Variants in UNC5D observed in about 807,000 individuals in gnomAD.
UNC5D encodes the protein netrin receptor UNC5D.
Under a neutral mutation model 105.4 loss-of-function variants are expected in UNC5D, and 39 were observed. That is an observed-to-expected ratio of 0.37 (90% CI 0.29 to 0.48). The LOEUF (loss-of-function observed/expected upper bound fraction) is 0.48, where lower values mean the gene tolerates loss of function less well. Ranked by LOEUF, UNC5D falls within the 20% of genes least tolerant of loss-of-function variation. UNC5D has a pLI of 0.98. For missense variants in UNC5D, 991 were observed against 1,202.4 expected, an observed-to-expected ratio of 0.82 and a Z score of 2.60; for synonymous variants, 452 against 450.4, an observed-to-expected ratio of 1.00 and a Z score of -0.04.
intron 1 of UNC5D, among the ~76,000 whole-genome samples, chr8:35,414,786 A>G (rs537804380): frequency 1.3e-5 from 2 of 152,276 alleles, no homozygotes; most frequent in East Asian, 3.9e-4. Flanking sequence ...ATTCATTCCT[A>G]GCTTTCCTTC....
In UNC5D at chr8:35,684,719, C is replaced by A; in HGVS notation, c.889C>A (p.Gln297Lys). The change falls in exon 6 of 17, where the codon CAG (glutamine) becomes AAG (lysine). Residue 297 changes from glutamine (Q) to lysine (K), a missense_variant. Around this residue, in one of 3 missense-constraint regions of UNC5D, gnomAD observed 944 missense variants for 1,131.6 expected, o/e 0.83. Coordinates refer to ENST00000404895, the MANE Select transcript of UNC5D (RefSeq NM_080872.4). ...GGCCTTTTGTGAGGGAATGTCAGTGCAGAAAATAACCTGCACTTCTCTTTG... is the reference window on the plus strand; with the variant it reads ...GGCCTTTTGTGAGGGAATGTCAGTGAAGAAAATAACCTGCACTTCTCTTTG... ...GGAFCEGMSV[Q>K]KITCTSLCPV... 6.2e-7 allele frequency: 1 copy of A among 1,613,584 alleles called. No individual in the cohort carries two copies. The highest frequency in any genetic ancestry group is 8.5e-7 in the Non-Finnish European group (1 of 1,179,770).
At chr8:35,636,024 A>G (rs539733470) in intron 4 of UNC5D, among the ~76,000 whole-genome samples, 1 of 152,292 alleles carries the variant, frequency 6.6e-6, no homozygotes, top group South Asian at 2.1e-4. Flanking sequence ...TTTTTGGCTG[A>G]GAGGTGGTAT....
intron 1 of UNC5D, among the ~76,000 whole-genome samples, chr8:35,269,825 G>C (rs949306456): frequency 1.3e-5 from 2 of 152,098 alleles, no homozygotes; most frequent in African/African-American, 2.4e-5. Context: ...TAAGCAGTGA[G>C]TCCAAGGTCA....
chr8:35,433,449 A>G (rs939143781), intron 1 of UNC5D, among the ~76,000 whole-genome samples: 1 of 152,208 alleles, frequency 6.6e-6, no homozygotes, highest in Non-Finnish European at 1.5e-5. Context: ...CTAAGGAAAG[A>G]AATGGTAACT....
In UNC5D at chr8:35,315,743, G is replaced by A. The variant is rs139142040; in HGVS notation, c.103+79856G>A. 7.9e-5 allele frequency among the ~76,000 whole-genome samples: 12 copies of A among 152,258 alleles called. No individual in the cohort carries two copies. The East Asian group carries it at 1.9e-3, about 25-fold the overall frequency. On this transcript the variant is annotated intron_variant, in intron 1 of 16. Coordinates refer to ENST00000404895, the MANE Select transcript of UNC5D (RefSeq NM_080872.4). ...TATTGTTGTCAACCCCAGTTACCTC[G>A]GATGTATGGAGAGATTTGTGAACTT... is the stretch of plus-strand genomic sequence containing the variant.
intron 1 of UNC5D, among the ~76,000 whole-genome samples, chr8:35,286,388 A>T (rs1371062892): frequency 6.6e-6 from 1 of 152,142 alleles, no homozygotes; most frequent in East Asian, 1.9e-4. Flanking sequence ...CACCGCCCAC[A>T]AGTCTTCTAG....
chr8:35,722,598 G>C (rs183402201), intron 9 of UNC5D, among the ~76,000 whole-genome samples: 1 of 152,096 alleles, frequency 6.6e-6, no homozygotes, highest in Non-Finnish European at 1.5e-5. Flanking sequence ...AGAGGATCTC[G>C]GTTTATTATC....
intron 1 of UNC5D, among the ~76,000 whole-genome samples, chr8:35,512,535 G>GTATA (rs71887063): frequency 9.0e-5 from 3 of 33,444 alleles, no homozygotes; most frequent in African/African-American, 6.6e-4. Context: ...ATTCAGATAT[G>GTATA]TATGTATATA....
intron 4 of UNC5D, among the ~76,000 whole-genome samples, chr8:35,602,112 G>A (rs1049382516): frequency 6.6e-5 from 10 of 152,088 alleles, no homozygotes; most frequent in South Asian, 2.1e-4. Context: ...ATTGATTTTC[G>A]TATGTTGAAC....
At chr8:35,423,812 A>G (rs1341701836) in intron 1 of UNC5D, among the ~76,000 whole-genome samples, 5 of 152,094 alleles carry the variant, frequency 3.3e-5, no homozygotes, top group Admixed American at 6.6e-5. Flanking sequence ...TTAAGAAATA[A>G]TAGAAGAGTT....
Position 35,591,885 on chromosome 8 carries a change from C to T in UNC5D, c.467-3669C>T, listed in dbSNP as rs558425242. Among the ~76,000 whole-genome samples, 6 of 152,306 alleles carry T rather than the reference C, an allele frequency of 3.9e-5. No homozygotes were observed. In the South Asian group the frequency reaches 1.2e-3, roughly 32 times the overall value. On this transcript the variant is annotated intron_variant, in intron 3 of 16. Transcript: ENST00000404895. The stretch of plus-strand genomic sequence containing the variant: ...CTTACTCTGTTACCAACACAGCAAT[C>T]TTCGATGTCTATACCAACTGGTCTA...
chr8:35,332,852 G>A (rs1369000629), intron 1 of UNC5D, among the ~76,000 whole-genome samples: 1 of 152,182 alleles, frequency 6.6e-6, no homozygotes, highest in Non-Finnish European at 1.5e-5. Context: ...AGAAGATAAA[G>A]TCTTGATCTC....
chr8:35,412,101 C>T (rs945725250), intron 1 of UNC5D, among the ~76,000 whole-genome samples: 1 of 152,052 alleles, frequency 6.6e-6, no homozygotes, highest in Non-Finnish European at 1.5e-5. Flanking sequence ...GGTGTGTAAA[C>T]TGCCTCTGGT....
At chr8:35,298,080 C>A (rs901758650) in intron 1 of UNC5D, among the ~76,000 whole-genome samples, 85 of 152,256 alleles carry the variant, frequency 5.6e-4, no homozygotes, top group African/African-American at 2.0e-3. Flanking sequence ...CCCTGCTCAC[C>A]CACAGGGACT....
chr8:35,300,112 A>C (rs920271420), intron 1 of UNC5D, among the ~76,000 whole-genome samples: 3 of 152,064 alleles, frequency 2.0e-5, no homozygotes, highest in Non-Finnish European at 2.9e-5. Context: ...GAGATGAGGA[A>C]GAACAGCACT....
intron 1 of UNC5D, among the ~76,000 whole-genome samples, chr8:35,502,647 C>A (rs1268251887): frequency 6.6e-6 from 1 of 152,074 alleles, no homozygotes; most frequent in Non-Finnish European, 1.5e-5. Context: ...CAACCTCTGC[C>A]TCCCAGGTTC....
At chr8:35,349,559 T>G (rs913634005) in intron 1 of UNC5D, among the ~76,000 whole-genome samples, 8 of 151,990 alleles carry the variant, frequency 5.3e-5, no homozygotes, top group African/African-American at 1.9e-4. Context: ...TCATTGGCAA[T>G]GAATACTGTC....
intron 1 of UNC5D, among the ~76,000 whole-genome samples, chr8:35,305,587 T>TTC (rs753157651): frequency 4.5e-4 from 33 of 72,566 alleles, no homozygotes; most frequent in East Asian, 4.0e-3. Flanking sequence ...TTTTCTTTCT[T>TTC]TCTTTCTTTC....
intron 1 of UNC5D, among the ~76,000 whole-genome samples, chr8:35,481,009 G>T (rs546485962): frequency 6.6e-6 from 1 of 152,278 alleles, no homozygotes; most frequent in African/African-American, 2.4e-5. Flanking sequence ...TCTGCAGTTT[G>T]TGAACTGAGA....
Sources: gnomAD v4.1 joint callset for allele counts (sites outside exome capture counted in the v4.1 genomes callset) on GRCh38, gnomAD v4.1.1 for gene constraint, gnomAD v4.1.1 regional missense constraint, MANE v1.5 for transcripts, NCBI Gene and HGNC (gene_info 2026-07-23, HGNC 2026-07-21) for gene names.